CNTNAP2: variants seen among roughly 807,000 people sequenced by gnomAD.
The protein encoded by CNTNAP2 is contactin associated protein 2.
CNTNAP2 carries 98 observed loss-of-function variants against 155.2 expected under a neutral mutation model. The ratio of observed to expected loss-of-function variants is 0.63; its 90% confidence interval spans 0.54 to 0.75. The LOEUF is 0.75. Ranked by LOEUF, CNTNAP2 falls within the 30% of genes least tolerant of loss-of-function variation. CNTNAP2 has a pLI of 0.00. For missense variants in CNTNAP2, 1,727 were observed against 1,688.1 expected, an observed-to-expected ratio of 1.02 and a Z score of -0.40; for synonymous variants, 651 against 631.2, an observed-to-expected ratio of 1.03 and a Z score of -0.47.
At chr7:146,314,120 C>T (rs1038253386) in intron 1 of CNTNAP2, among the ~76,000 whole-genome samples, 2 of 152,040 alleles carry the variant, frequency 1.3e-5, no homozygotes, top group South Asian at 2.1e-4. Flanking sequence ...GAATAAAATC[C>T]GTCATTTCCT....
intron 10 of CNTNAP2, among the ~76,000 whole-genome samples, chr7:147,437,870 G>T (rs552833498): frequency 6.6e-6 from 1 of 151,724 alleles, no homozygotes; most frequent in African/African-American, 2.4e-5. Flanking sequence ...AATTTCTTTC[G>T]TGTTTTATAC....
intron 12 of CNTNAP2, among the ~76,000 whole-genome samples, chr7:147,605,479 G>C (rs545063810): frequency 2.0e-5 from 3 of 152,238 alleles, no homozygotes; most frequent in East Asian, 3.9e-4. Context: ...AATGCATGTC[G>C]AGCAAAGGTT....
At chr7:146,241,053 A>G (rs1240098590) in intron 1 of CNTNAP2, among the ~76,000 whole-genome samples, 1 of 152,152 alleles carries the variant, frequency 6.6e-6, no homozygotes, top group Non-Finnish European at 1.5e-5. Context: ...ACCAGATCTC[A>G]TGAGAGTTCA....
chr7:146,217,171 A>G (rs1016485525), intron 1 of CNTNAP2, among the ~76,000 whole-genome samples: 6 of 152,192 alleles, frequency 3.9e-5, no homozygotes, highest in African/African-American at 1.2e-4. Context: ...AAACTCTTAC[A>G]CACTGCTATA....
At chr7:148,162,054 C>T (rs558591404) in intron 17 of CNTNAP2, among the ~76,000 whole-genome samples, 1 of 152,264 alleles carries the variant, frequency 6.6e-6, no homozygotes, top group East Asian at 1.9e-4. Context: ...GTGAAGAGAA[C>T]AGGGTGCCAG....
rs576577297 is a variant in CNTNAP2 at position 146,406,334 on chromosome 7, G to A, written c.97+289361G>A. 1.7e-4 allele frequency among the ~76,000 whole-genome samples: 26 copies of A among 152,184 alleles called. 1 individual carries two copies. Among genetic ancestry groups the A allele is most frequent in the Middle Eastern group, 6.8e-3 (2 of 294 alleles). ...TGTTGTATTGCATCGTCCTCCTTAG[G>A]TTTTAAAAACATACATGCACATTTA... On this transcript the variant is annotated intron_variant, in intron 1 of 23. Transcript: ENST00000361727.
At chr7:146,825,271 A>T (rs1803378451) in intron 2 of CNTNAP2, among the ~76,000 whole-genome samples, 1 of 152,242 alleles carries the variant, frequency 6.6e-6, no homozygotes, top group South Asian at 2.1e-4. Context: ...TAGTTACAGT[A>T]GTTAGTCATT....
In CNTNAP2 at chr7:146,529,118, T is replaced by G. The variant is rs532726060; in HGVS notation, c.98-245153T>G. ...ATGAAAGTAAATTTACACAGAAAAT[T>G]AGAAGTATATTTTTTGTTTGTTTTC... On this transcript the variant is annotated intron_variant, in intron 1 of 23. Transcript: ENST00000361727. Among the ~76,000 whole-genome samples the G allele has an allele frequency of 5.9e-5, 9 of 152,230 alleles. No homozygotes were observed. The East Asian group carries it at 1.4e-3, about 23-fold the overall frequency.
At chr7:148,144,181 G>A (rs905120844) in intron 16 of CNTNAP2, among the ~76,000 whole-genome samples, 1 of 152,198 alleles carries the variant, frequency 6.6e-6, no homozygotes. Context: ...CTTTTTTAAG[G>A]ATGTGTGTAT....
At chr7:146,645,828 T>C (rs1799802245) in intron 1 of CNTNAP2, among the ~76,000 whole-genome samples, 1 of 151,904 alleles carries the variant, frequency 6.6e-6, no homozygotes. Flanking sequence ...TGTTTGTGGT[T>C]AGGGTGGGGA....
At chr7:146,543,644 A>T (rs556131571) in intron 1 of CNTNAP2, among the ~76,000 whole-genome samples, 90 of 152,128 alleles carry the variant, frequency 5.9e-4, no homozygotes, top group African/African-American at 2.1e-3. Context: ...AAGATCACAC[A>T]GCTAGTTGAT....
chr7:148,395,812 C>G (rs1362649610), intron 22 of CNTNAP2, among the ~76,000 whole-genome samples: 1 of 152,174 alleles, frequency 6.6e-6, no homozygotes, highest in East Asian at 1.9e-4. Context: ...CTCTCTGAAA[C>G]TCCAGTGATA....
chr7:147,435,365 T>C (rs2116536877), intron 10 of CNTNAP2, among the ~76,000 whole-genome samples: 1 of 152,282 alleles, frequency 6.6e-6, no homozygotes, highest in East Asian at 1.9e-4. Context: ...TGAGCAAGCC[T>C]AGACTCACCA....
intron 9 of CNTNAP2, among the ~76,000 whole-genome samples, chr7:147,383,969 A>T (rs1389895000): frequency 2.0e-5 from 3 of 152,152 alleles, no homozygotes; most frequent in African/African-American, 7.2e-5. Flanking sequence ...GTAGTTGAAG[A>T]TCTAAAATGA....
At chr7:146,471,239 A>G (rs1241074298) in intron 1 of CNTNAP2, among the ~76,000 whole-genome samples, 1 of 152,206 alleles carries the variant, frequency 6.6e-6, no homozygotes, top group East Asian at 1.9e-4. Flanking sequence ...CTTGTTCTCC[A>G]TTGTTTACTG....
intron 3 of CNTNAP2, among the ~76,000 whole-genome samples, chr7:146,916,285 T>C (rs1796392760): frequency 6.6e-6 from 1 of 152,166 alleles, no homozygotes; most frequent in South Asian, 2.1e-4. Context: ...GTTTTCCATT[T>C]TGTTATGTCC....
At chr7:146,382,629 T>G (rs886285982) in intron 1 of CNTNAP2, among the ~76,000 whole-genome samples, 2 of 152,166 alleles carry the variant, frequency 1.3e-5, no homozygotes, top group African/African-American at 4.8e-5. Context: ...ATTTAAAAAT[T>G]TTGACACCAA....
intron 3 of CNTNAP2, among the ~76,000 whole-genome samples, chr7:147,002,416 G>T (rs1798441972): frequency 6.6e-6 from 1 of 152,050 alleles, no homozygotes; most frequent in Non-Finnish European, 1.5e-5. Flanking sequence ...AGATAATCCA[G>T]TTGTGCCTAT....
chr7:146,497,489 A>G (rs1389066067), intron 1 of CNTNAP2, among the ~76,000 whole-genome samples: 4 of 152,154 alleles, frequency 2.6e-5, no homozygotes, highest in East Asian at 1.9e-4. Context: ...GGAGAGTTCA[A>G]TGATTTTAGC....
Sources: allele counts gnomAD v4.1 joint callset (sites outside exome capture counted in the v4.1 genomes callset), GRCh38; gene constraint gnomAD v4.1.1; transcripts MANE v1.5; gene names NCBI Gene and HGNC (gene_info 2026-07-23, HGNC 2026-07-21).